CLMN: variants seen among roughly 807,000 people sequenced by gnomAD.
CLMN encodes calmin (calponin-like, transmembrane).
Under a neutral mutation model 92.7 loss-of-function variants are expected in CLMN, and 57 were observed. The ratio of observed to expected loss-of-function variants is 0.61; its 90% confidence interval spans 0.50 to 0.77. The LOEUF (loss-of-function observed/expected upper bound fraction) is 0.77. CLMN is among the 30% of genes least tolerant of loss of function. The pLI is 0.00. For missense variants in CLMN, 1,158 were observed against 1,237.5 expected (o/e 0.94, Z 0.96); for synonymous variants, 466 against 470.6 (o/e 0.99, Z 0.13).
chr14:95,309,117 A>G (rs1037378909), intron 1 of CLMN, among the ~76,000 whole-genome samples: 4 of 152,148 alleles, frequency 2.6e-5, no homozygotes, highest in Non-Finnish European at 5.9e-5. Flanking sequence ...ACAGCACTGA[A>G]ACAGTGAGGC....
At position 95,191,421 on chromosome 14, in the gene CLMN, A is replaced by AAC. The variant is rs779597760; in HGVS notation, c.*142_*143insGT. 0.012 allele frequency: 5,581 copies of AAC among 481,884 alleles called. 7 individuals carry two copies. The highest frequency in any genetic ancestry group is 0.017 in the Middle Eastern group (28 of 1,690). 29.9% of individuals were successfully genotyped at this position (481,884 alleles called of 1,614,324 possible). ...AAGGAAACCTGAAAAAAAAAAAAAA[A>AAC]CCACAATAGCGAGAAAGGGGGTCTA... On this transcript the variant is annotated 3_prime_UTR_variant, in exon 13 of 13. Transcript: ENST00000298912. The surrounding 1 kb of genome is among the most constrained non-coding windows in gnomAD (Gnocchi z 5.3).
chr14:95,297,342 T>C (rs1900849021), intron 1 of CLMN, among the ~76,000 whole-genome samples: 2 of 152,190 alleles, frequency 1.3e-5, no homozygotes, highest in African/African-American at 4.8e-5. Context: ...TCGCTAGTGG[T>C]CTCTCTTTAA....
chr14:95,286,252 G>A (rs1900337078), intron 1 of CLMN, among the ~76,000 whole-genome samples: 1 of 152,108 alleles, frequency 6.6e-6, no homozygotes, highest in African/African-American at 2.4e-5. Flanking sequence ...ACAATGAGGT[G>A]GGAAGATGGA....
At chr14:95,235,702 C>G (rs1281122680) in intron 1 of CLMN, among the ~76,000 whole-genome samples, 1 of 152,156 alleles carries the variant, frequency 6.6e-6, no homozygotes, top group Admixed American at 6.5e-5. Flanking sequence ...GGTGTTTTGC[C>G]TAGGTGGACA....
chr14:95,298,451 G>A (rs1424608438), intron 1 of CLMN, among the ~76,000 whole-genome samples: 6 of 152,124 alleles, frequency 3.9e-5, no homozygotes, highest in African/African-American at 1.4e-4. Flanking sequence ...TGTTCAAGGC[G>A]CCACACGGCC....
Position 95,187,301 on chromosome 14 carries a change from A to G in CLMN, c.*4263T>C, listed in dbSNP as rs1447806226. 3 of 152,292 alleles carry G rather than the reference A, an allele frequency of 2.0e-5. No individual in the cohort carries two copies. Among genetic ancestry groups the G allele is most frequent in the South Asian group, 2.1e-4 (1 of 4,836 alleles). The allele number at this position is 152,292 out of a possible 1,614,324, so 9.4% of individuals were successfully genotyped here. A position where few individuals can be genotyped will look rare whatever the true frequency, so the allele number is the denominator to read the frequency against. ...AAATAGGAGCAGAGGAATGAAAGTT[A>G]TATTAATACAACCATGAACACAGAA... On this transcript the variant is annotated 3_prime_UTR_variant, in exon 13 of 13. Transcript: ENST00000298912.
intron 1 of CLMN, among the ~76,000 whole-genome samples, chr14:95,309,047 C>T (rs998219784): frequency 4.6e-5 from 7 of 152,000 alleles, no homozygotes; most frequent in African/African-American, 1.5e-4. Context: ...GCTAATCCCG[C>T]GTTCAGTCAA....
intron 1 of CLMN, chr14:95,307,676 G>C (rs991932380): frequency 6.6e-6 from 1 of 152,262 alleles, no homozygotes; most frequent in Non-Finnish European, 1.5e-5. Flanking sequence ...GAGGTAACAC[G>C]TTTGGTTTGT....
At chr14:95,204,491 C>T in intron 8 of CLMN, 28 bp from the exon 9 acceptor site, 1 of 1,448,990 alleles carries the variant, frequency 6.9e-7, no homozygotes, top group East Asian at 2.4e-5. Context: ...AACAAACAAA[C>T]AAAAAAAAAC....
At chr14:95,237,680 G>A (rs554179732) in intron 1 of CLMN, among the ~76,000 whole-genome samples, 41 of 152,290 alleles carry the variant, frequency 2.7e-4, no homozygotes, top group African/African-American at 7.0e-4. Flanking sequence ...TCTCACAGCC[G>A]TCTCGGCACC....
chr14:95,268,542 C>T (rs1205652574), intron 1 of CLMN, among the ~76,000 whole-genome samples: 1 of 152,270 alleles, frequency 6.6e-6, no homozygotes, highest in African/African-American at 2.4e-5. Context: ...GGAACCACAA[C>T]TAATCCTTTT....
At chr14:95,220,328 G>A (rs1350860424) in intron 4 of CLMN, among the ~76,000 whole-genome samples, 14 of 151,658 alleles carry the variant, frequency 9.2e-5, no homozygotes, top group Admixed American at 9.2e-4. Context: ...AGCTCCCCAC[G>A]ACCGTGCCCA....
intron 12 of CLMN, 116 bp downstream of exon 12, chr14:95,193,733 T>C (rs1015600527): frequency 6.3e-6 from 8 of 1,265,782 alleles, no homozygotes; most frequent in Non-Finnish European, 8.8e-6. Flanking sequence ...TTATCCCAAA[T>C]TATTAATACT....
At chr14:95,280,343 T>C (rs1293322815) in intron 1 of CLMN, among the ~76,000 whole-genome samples, 1 of 152,248 alleles carries the variant, frequency 6.6e-6, no homozygotes, top group Non-Finnish European at 1.5e-5. Context: ...AGGTAAAATT[T>C]GGCTAGATTC....
chr14:95,214,805 C>T (rs1897290768), intron 5 of CLMN, among the ~76,000 whole-genome samples: 1 of 151,986 alleles, frequency 6.6e-6, no homozygotes. Flanking sequence ...CTTGTTTGTG[C>T]TCATGCTTCT....
Position 95,196,618 on chromosome 14 carries a change from TTAC to T in CLMN, c.2585_2587del (p.Ser862del). ...CACATGTTTCCTTTTTTCCTTTTTT[TTAC>T]TACTGATTGATTCTTTCGTTACATT... On this transcript the variant is annotated inframe_deletion, in exon 10 of 13. Coordinates refer to ENST00000298912, the MANE Select transcript of CLMN (RefSeq NM_024734.4). 6.2e-7 allele frequency: 1 copy of T among 1,614,228 alleles called. No homozygotes were observed. Among genetic ancestry groups the T allele is most frequent in the South Asian group, 1.1e-5 (1 of 91,076 alleles).
intron 1 of CLMN, 34 bp downstream of exon 1, chr14:95,319,677 C>T: frequency 3.8e-6 from 6 of 1,569,386 alleles, no homozygotes; most frequent in Non-Finnish European, 5.2e-6. Context: ...CCCCGAGCGC[C>T]CAGCCATCCC....
In CLMN at chr14:95,191,679, C is replaced by T; in HGVS notation, c.2894G>A (p.Ser965Asn). 6.2e-7 allele frequency: 1 copy of T among 1,613,342 alleles called. No homozygotes were observed. Among genetic ancestry groups the T allele is most frequent in the Non-Finnish European group, 8.5e-7 (1 of 1,179,938 alleles). ...CTGGACAAGCTGTGTCAGGGAGTCA[C>T]TCTGCGGGCTGTGGCTCCCCAGTGA... ...AMSLGSHSPQ[S>N]DSLTQLVQQP... Residue 965 changes from serine to asparagine, a missense_variant, in exon 13 of 13, where the codon AGT becomes AAT. By Grantham distance (46) the Ser-to-Asn change is conservative. Transcript: ENST00000298912. The surrounding 1 kb of genome is among the most constrained non-coding windows in gnomAD (Gnocchi z 5.3).
At chr14:95,199,626 T>C (rs1187625) in intron 9 of CLMN, among the ~76,000 whole-genome samples, 18,238 of 152,066 alleles carry the variant, frequency 0.12, 1,589 homozygotes, top group East Asian at 0.43. Context: ...CCACACTCTC[T>C]CGGGAGAGAA....
Sources: allele counts gnomAD v4.1 joint callset (sites outside exome capture counted in the v4.1 genomes callset), GRCh38; gene constraint gnomAD v4.1.1; non-coding constraint Gnocchi (gnomAD v3.1); transcripts MANE v1.5; gene names NCBI Gene and HGNC (gene_info 2026-07-23, HGNC 2026-07-21).